The following TOMM20 variants were observed in gnomAD, a reference collection of about 807,000 sequenced individuals.
TOMM20 encodes mitochondrial import receptor subunit TOM20 homolog.
TOMM20 carries 10 observed loss-of-function variants against 22.1 expected under a neutral mutation model. The observed-to-expected ratio is 0.45, with a 90% confidence interval of 0.28 to 0.77. The LOEUF is 0.77. TOMM20 is among the 30% of genes least tolerant of loss of function. TOMM20 has a pLI of 0.13. For missense variants in TOMM20, 121 were observed against 172.2 expected, an observed-to-expected ratio of 0.70 and a Z score of 1.66; for synonymous variants, 55 against 61.4, an observed-to-expected ratio of 0.90 and a Z score of 0.49.
chr1:235,113,299 C>T (rs573237154), intron 4 of TOMM20, among the ~76,000 whole-genome samples: 2 of 152,236 alleles, frequency 1.3e-5, no homozygotes, highest in Admixed American at 1.3e-4. Context: ...CAAAGTGCAC[C>T]TCAGCAGCAG....
At chr1:235,124,635 T>A (rs553259714) in intron 1 of TOMM20, among the ~76,000 whole-genome samples, 27 of 152,176 alleles carry the variant, frequency 1.8e-4, no homozygotes, top group Non-Finnish European at 3.7e-4. Context: ...ATGACAAAAC[T>A]GATAATGAAA....
intron 3 of TOMM20, 87 bp from the exon 4 acceptor site, chr1:235,113,997 T>C: frequency 7.0e-7 from 1 of 1,431,676 alleles, no homozygotes; most frequent in Non-Finnish European, 9.4e-7. Flanking sequence ...CAAATGATGC[T>C]GACCAAAAAC....
chr1:235,116,870 T>C (rs1660836948), intron 3 of TOMM20, among the ~76,000 whole-genome samples: 1 of 151,914 alleles, frequency 6.6e-6, no homozygotes, highest in South Asian at 2.1e-4. Context: ...GCACGCTGGC[T>C]CAAGCCTGTA....
chr1:235,128,459 G>GCGCCAT, intron 1 of TOMM20, 136 bp downstream of exon 1: 3 of 1,378,296 alleles, frequency 2.2e-6, no homozygotes, highest in Non-Finnish European at 3.0e-6. Context: ...GGCGCAGCCA[G>GCGCCAT]CGCCATCGCC....
At chr1:235,127,614 G>A (rs1572133523) in intron 1 of TOMM20, among the ~76,000 whole-genome samples, 1 of 152,104 alleles carries the variant, frequency 6.6e-6, no homozygotes, top group South Asian at 2.1e-4. Context: ...TACCCCTTGG[G>A]CTTTAGTAAC....
intron 3 of TOMM20, among the ~76,000 whole-genome samples, chr1:235,115,045 A>ATT (rs908100532): frequency 6.9e-6 from 1 of 145,700 alleles, no homozygotes; most frequent in African/African-American, 2.5e-5. Context: ...AATTTTGCTA[A>ATT]TTTTTTTTTT....
chr1:235,128,553 C>A (rs1407231737), intron 1 of TOMM20, 42 bp downstream of exon 1: 2 of 1,610,992 alleles, frequency 1.2e-6, no homozygotes, highest in East Asian at 2.2e-5. Context: ...GGGCGGCGGC[C>A]GAAGGCAGCA....
intron 3 of TOMM20, among the ~76,000 whole-genome samples, chr1:235,116,839 A>G (rs1022651462): frequency 1.3e-5 from 2 of 152,128 alleles, no homozygotes; most frequent in Admixed American, 6.5e-5. Flanking sequence ...AATTGATCTT[A>G]AAGAGTAAGA....
intron 2 of TOMM20, among the ~76,000 whole-genome samples, chr1:235,121,927 A>G (rs1660937907): frequency 6.6e-6 from 1 of 152,242 alleles, no homozygotes; most frequent in African/African-American, 2.4e-5. Flanking sequence ...AATAATCTTG[A>G]ATAATTTTTG....
intron 3 of TOMM20, among the ~76,000 whole-genome samples, chr1:235,118,343 G>A (rs1189918645): frequency 6.6e-6 from 1 of 152,192 alleles, no homozygotes; most frequent in Non-Finnish European, 1.5e-5. Flanking sequence ...GTTATGCGAT[G>A]CAAGGAGCAG....
intron 3 of TOMM20, among the ~76,000 whole-genome samples, chr1:235,115,139 T>C (rs1423632612): frequency 6.6e-6 from 1 of 151,896 alleles, no homozygotes; most frequent in Non-Finnish European, 1.5e-5. Flanking sequence ...CACCTCCCAA[T>C]GTGCTGAGAT....
intron 3 of TOMM20, among the ~76,000 whole-genome samples, chr1:235,115,786 C>T (rs1011747806): frequency 6.6e-6 from 1 of 152,202 alleles, no homozygotes; most frequent in Non-Finnish European, 1.5e-5. Flanking sequence ...AGAATATAAA[C>T]TGCCTCCCTC....
At chr1:235,128,508 A>G (rs1661074452) in intron 1 of TOMM20, 87 bp downstream of exon 1, 2 of 1,593,986 alleles carry the variant, frequency 1.3e-6, no homozygotes, top group Non-Finnish European at 1.7e-6. Context: ...TGCGCGGCCC[A>G]CAGGCTGGTG....
chr1:235,111,807 G>C lies in TOMM20; in HGVS notation c.*257C>G, dbSNP rs1377305008. 2.5e-6 allele frequency: 1 copy of C among 401,302 alleles called. No individual in the cohort carries two copies. Among genetic ancestry groups the C allele is most frequent in the Non-Finnish European group, 4.5e-6 (1 of 224,404 alleles). The allele number at this position is 401,302 out of a possible 1,614,324, so 24.9% of individuals were successfully genotyped here. ...AGTTTAACTATGTAACTATGTTTCAGGAATAAACAAAATCCATGATATTTT... is the reference window on the plus strand; with the variant it reads ...AGTTTAACTATGTAACTATGTTTCACGAATAAACAAAATCCATGATATTTT... On this transcript the variant is annotated 3_prime_UTR_variant, in exon 5 of 5. Transcript: ENST00000366607.
At chr1:235,119,728 C>A in intron 3 of TOMM20, 90 bp downstream of exon 3, 1 of 815,104 alleles carries the variant, frequency 1.2e-6, no homozygotes, top group Non-Finnish European at 1.9e-6. Context: ...TTCTAACAGC[C>A]AAATTACACA....
intron 1 of TOMM20, among the ~76,000 whole-genome samples, chr1:235,125,495 C>G (rs1358134650): frequency 2.0e-5 from 3 of 151,706 alleles, no homozygotes; most frequent in East Asian, 1.9e-4. Context: ...GTTTACAGGC[C>G]TGAGCCACCA....
chr1:235,126,500 A>C (rs1019515203), intron 1 of TOMM20, among the ~76,000 whole-genome samples: 6 of 152,106 alleles, frequency 3.9e-5, no homozygotes, highest in African/African-American at 1.4e-4. Context: ...ACAACAAAAT[A>C]TTTCTACTCA....
intron 1 of TOMM20, among the ~76,000 whole-genome samples, chr1:235,125,270 A>C (rs563607736): frequency 1.3e-5 from 2 of 152,200 alleles, no homozygotes; most frequent in Admixed American, 1.3e-4. Context: ...GCGGGAGTGC[A>C]GCAGCGTCAT....
At chr1:235,115,650 A>G (rs1278976447) in intron 3 of TOMM20, among the ~76,000 whole-genome samples, 1 of 152,142 alleles carries the variant, frequency 6.6e-6, no homozygotes, top group African/African-American at 2.4e-5. Flanking sequence ...TAAAAATAAA[A>G]AAATAATAAC....
Sources: gnomAD v4.1 joint callset for allele counts (sites outside exome capture counted in the v4.1 genomes callset) on GRCh38, gnomAD v4.1.1 for gene constraint, MANE v1.5 for transcripts, NCBI Gene and HGNC (gene_info 2026-07-23, HGNC 2026-07-21) for gene names.